The following MIPOL1 variants were observed in gnomAD, a reference collection of about 807,000 sequenced individuals.
MIPOL1 encodes the protein mirror-image polydactyly gene 1 protein.
In MIPOL1, 57 loss-of-function variants were observed where a neutral mutation model predicts 60.9. The observed-to-expected ratio is 0.94, with a 90% CI of 0.76 to 1.17. The LOEUF is 1.17. MIPOL1 is among the 50% of genes most tolerant of loss of function. The pLI is 0.00. For missense variants in MIPOL1, 551 were observed against 511.6 expected (o/e 1.08, Z -0.74); for synonymous variants, 179 against 168.8 (o/e 1.06, Z -0.47).
chr14:37,441,247 T>C (rs1463188115), intron 11 of MIPOL1, among the ~76,000 whole-genome samples: 1 of 152,158 alleles, frequency 6.6e-6, no homozygotes, highest in Non-Finnish European at 1.5e-5. Flanking sequence ...TTTAATCAAG[T>C]CCCATTTGTC....
chr14:37,510,517 G>T (rs2095320081), intron 12 of MIPOL1, among the ~76,000 whole-genome samples: 3 of 152,102 alleles, frequency 2.0e-5, no homozygotes, highest in Admixed American at 2.0e-4. Flanking sequence ...GATTACAGGT[G>T]TGAGACACTG....
intron 11 of MIPOL1, among the ~76,000 whole-genome samples, chr14:37,482,130 A>C (rs1394069084): frequency 6.6e-6 from 1 of 152,208 alleles, no homozygotes; most frequent in Admixed American, 6.5e-5. Flanking sequence ...AATTAACAGT[A>C]TGATGAGACA....
At chr14:37,382,432 A>G (rs1250951666) in intron 10 of MIPOL1, among the ~76,000 whole-genome samples, 1 of 152,100 alleles carries the variant, frequency 6.6e-6, no homozygotes, top group Admixed American at 6.6e-5. Context: ...GAAACATGAT[A>G]TGGAAAGTAG....
chr14:37,259,882 G>A (rs997678161), intron 3 of MIPOL1, among the ~76,000 whole-genome samples: 3 of 151,904 alleles, frequency 2.0e-5, no homozygotes, highest in Admixed American at 6.6e-5. Flanking sequence ...ACATATCACC[G>A]GGACTACCTC....
At chr14:37,543,482 G>A (rs1253015679) in intron 12 of MIPOL1, among the ~76,000 whole-genome samples, 3 of 152,038 alleles carry the variant, frequency 2.0e-5, no homozygotes, top group Middle Eastern at 3.4e-3. Flanking sequence ...TCACCATGTT[G>A]GCCAGGCTGG....
intron 10 of MIPOL1, among the ~76,000 whole-genome samples, chr14:37,413,357 A>G (rs1469747347): frequency 6.6e-6 from 1 of 152,204 alleles, no homozygotes; most frequent in East Asian, 1.9e-4. Flanking sequence ...ACTTGTCTCA[A>G]GTTTTCCAGC....
chr14:37,390,219 C>G (rs1595547747), intron 10 of MIPOL1, among the ~76,000 whole-genome samples: 1 of 151,570 alleles, frequency 6.6e-6, no homozygotes, highest in African/African-American at 2.4e-5. Flanking sequence ...AACTCCTTCT[C>G]AAGAAAAAAA....
chr14:37,358,043 A>T (rs151116966), intron 9 of MIPOL1, among the ~76,000 whole-genome samples: 1 of 149,646 alleles, frequency 6.7e-6, no homozygotes, highest in Non-Finnish European at 1.5e-5. Flanking sequence ...CCTATGTCCA[A>T]GTGTTCTAAG....
intron 9 of MIPOL1, among the ~76,000 whole-genome samples, chr14:37,359,406 A>G (rs1393463945): frequency 6.6e-6 from 1 of 152,158 alleles, no homozygotes; most frequent in African/African-American, 2.4e-5. Flanking sequence ...ATAGCATTGA[A>G]TCTATAAATT....
At chr14:37,495,327 G>A (rs1322990557) in intron 11 of MIPOL1, among the ~76,000 whole-genome samples, 1 of 129,470 alleles carries the variant, frequency 7.7e-6, no homozygotes, top group African/African-American at 3.0e-5. Flanking sequence ...TCCCCTTCCT[G>A]TGTCCATGTG....
At chr14:37,324,661 C>T (rs2088957498) in intron 9 of MIPOL1, among the ~76,000 whole-genome samples, 1 of 152,048 alleles carries the variant, frequency 6.6e-6, no homozygotes, top group Non-Finnish European at 1.5e-5. Flanking sequence ...TTGTTTTCCT[C>T]TACAGGCTTT....
At chr14:37,244,744 A>C (rs1464965264) in intron 1 of MIPOL1, among the ~76,000 whole-genome samples, 1 of 152,086 alleles carries the variant, frequency 6.6e-6, no homozygotes, top group Non-Finnish European at 1.5e-5. Context: ...TCATCCCACT[A>C]GTTTTAATGT....
intron 12 of MIPOL1, among the ~76,000 whole-genome samples, chr14:37,532,574 T>C (rs1211564471): frequency 6.6e-6 from 1 of 152,206 alleles, no homozygotes; most frequent in East Asian, 1.9e-4. Context: ...CTTACAGTCT[T>C]ACTAAGAGAA....
chr14:37,538,181 T>C (rs541721215), intron 12 of MIPOL1, among the ~76,000 whole-genome samples: 67 of 152,326 alleles, frequency 4.4e-4, no homozygotes, highest in African/African-American at 1.5e-3. Flanking sequence ...TTTCAGGAAT[T>C]AACCTCTATA....
chr14:37,371,637 T>TTGTTTTAAAATGGTC (rs1463976441), intron 10 of MIPOL1, among the ~76,000 whole-genome samples: 2 of 152,174 alleles, frequency 1.3e-5, no homozygotes, highest in African/African-American at 4.8e-5. Flanking sequence ...TCATTTAAGC[T>TTGTTTTAAAATGGTC]TGTTTTAAAA....
intron 1 of MIPOL1, among the ~76,000 whole-genome samples, chr14:37,244,966 G>A (rs1256897901): frequency 1.3e-5 from 2 of 152,100 alleles, no homozygotes; most frequent in Non-Finnish European, 2.9e-5. Context: ...ATATGCAAAT[G>A]TGCCACTAAA....
At chr14:37,418,988 C>T (rs1342487572) in intron 10 of MIPOL1, among the ~76,000 whole-genome samples, 5 of 152,058 alleles carry the variant, frequency 3.3e-5, no homozygotes, top group African/African-American at 1.2e-4. Context: ...AGCAATTTCA[C>T]TCTTAGGTAT....
intron 10 of MIPOL1, chr14:37,401,823 C>T (rs1181871501): frequency 1.3e-5 from 2 of 152,034 alleles, no homozygotes; most frequent in Non-Finnish European, 2.9e-5. Flanking sequence ...GCAGTGATAA[C>T]TTTAATTGTG....
chr14:37,310,047 T>C (rs771224631), intron 9 of MIPOL1, among the ~76,000 whole-genome samples: 2 of 152,014 alleles, frequency 1.3e-5, no homozygotes, highest in African/African-American at 4.8e-5. Context: ...CCTTATGTCC[T>C]TACTCCCCCA....
Sources: allele counts gnomAD v4.1 joint callset (sites outside exome capture counted in the v4.1 genomes callset), GRCh38; gene constraint gnomAD v4.1.1; transcripts MANE v1.5; gene names NCBI Gene and HGNC (gene_info 2026-07-23, HGNC 2026-07-21).